Variants in STYXL1 observed in about 807,000 individuals in gnomAD.
STYXL1 encodes serine/threonine/tyrosine-interacting-like protein 1.
In STYXL1, 32 loss-of-function variants were observed where a neutral mutation model predicts 36.4. The observed-to-expected ratio is 0.88, with a 90% CI of 0.66 to 1.18. The LOEUF (loss-of-function observed/expected upper bound fraction) is 1.18. Ranked by LOEUF, STYXL1 falls within the 50% of genes most tolerant of loss-of-function variation. The pLI, the probability that STYXL1 is intolerant of heterozygous loss-of-function variation, is 0.00. For synonymous variants in STYXL1, 133 were observed against 144.1 expected (o/e 0.92, Z 0.55); for missense variants, 354 against 394.1 (o/e 0.90, Z 0.86).
At chr7:76,025,110 G>T (rs888229696) in intron 3 of STYXL1, among the ~76,000 whole-genome samples, 1 of 147,210 alleles carries the variant, frequency 6.8e-6, no homozygotes, top group African/African-American at 2.5e-5. Flanking sequence ...GCTGGAGACA[G>T]AGGTGGTCAG....
intron 5 of STYXL1, among the ~76,000 whole-genome samples, chr7:76,007,597 C>T (rs576014324): frequency 2.6e-5 from 4 of 152,094 alleles, no homozygotes; most frequent in African/African-American, 9.6e-5. Flanking sequence ...ATTCCTCTCT[C>T]GGAAACAACA....
chr7:75,996,737 G>T, intron 8 of STYXL1, 138 bp from the exon 9 acceptor site: 1 of 797,008 alleles, frequency 1.3e-6, no homozygotes, highest in South Asian at 1.7e-5. Flanking sequence ...CAGAAACAGG[G>T]CAGCCTGGCA....
At chr7:76,001,062 G>T in intron 7 of STYXL1, 60 bp from the exon 8 acceptor site, 1 of 1,367,524 alleles carries the variant, frequency 7.3e-7, no homozygotes, top group Non-Finnish European at 1.0e-6. Context: ...GGCCTGGGTT[G>T]CTGTCAGACA....
At chr7:76,001,996 C>T (rs147753616) in intron 7 of STYXL1, among the ~76,000 whole-genome samples, 10 of 151,964 alleles carry the variant, frequency 6.6e-5, no homozygotes, top group East Asian at 1.9e-4. Flanking sequence ...CAGGCTGGAA[C>T]GCAGTGGTGT....
chr7:76,045,540 T>TA (rs1244546768), intron 1 of STYXL1: 1 of 152,084 alleles, frequency 6.6e-6, no homozygotes, highest in African/African-American at 2.4e-5. Context: ...CTGCTAAAAA[T>TA]ACAAAAATTA....
At chr7:76,008,103 G>T (rs1005385838) in intron 5 of STYXL1, among the ~76,000 whole-genome samples, 4 of 150,530 alleles carry the variant, frequency 2.7e-5, no homozygotes, top group African/African-American at 4.9e-5. Flanking sequence ...GGAGGCTGGG[G>T]CAGGAGAATC....
intron 8 of STYXL1, 89 bp downstream of exon 8, chr7:76,000,801 G>C: frequency 9.3e-7 from 1 of 1,070,912 alleles, no homozygotes; most frequent in Non-Finnish European, 1.4e-6. Context: ...TCCCAAAGCA[G>C]TGCTGGGGCC....
chr7:75,998,300 A>AT (rs1364778773), intron 8 of STYXL1, among the ~76,000 whole-genome samples: 11 of 20,700 alleles, frequency 5.3e-4, no homozygotes, highest in African/African-American at 1.5e-3. Context: ...ATGGTCAAGC[A>AT]ATTTTTTTTT....
intron 4 of STYXL1, among the ~76,000 whole-genome samples, chr7:76,016,612 A>G (rs911183356): frequency 6.6e-6 from 1 of 152,138 alleles, no homozygotes; most frequent in East Asian, 1.9e-4. Context: ...AAGACATACA[A>G]GCAGCCAACG....
chr7:76,001,121 C>A, intron 7 of STYXL1, 119 bp from the exon 8 acceptor site: 1 of 729,960 alleles, frequency 1.4e-6, no homozygotes, highest in Non-Finnish European at 2.5e-6. Context: ...AACCAGCCCA[C>A]GTGACCTCGG....
In STYXL1 at chr7:76,038,489, G is replaced by A. The variant is rs554150439; in HGVS notation, c.-4-7962C>T. On this transcript the variant is annotated intron_variant, in intron 1 of 8. Coordinates refer to ENST00000359697, the MANE Select transcript of STYXL1 (RefSeq NM_001317785.2). ...ACCCCAGGCTGGAGTGCAGTGGCACGATCTCAGCTCACTGCGAGCTCTGCC... is the reference window on the plus strand; with the variant it reads ...ACCCCAGGCTGGAGTGCAGTGGCACAATCTCAGCTCACTGCGAGCTCTGCC... Among the ~76,000 whole-genome samples the A allele has an allele frequency of 1.2e-3, 151 of 128,426 alleles. 7 individuals are homozygous for A. The highest frequency in any genetic ancestry group is 4.6e-3 in the Middle Eastern group (1 of 218). The allele number at this position is 128,426 out of a possible 152,430, so 84.3% of individuals were successfully genotyped here. A position where few individuals can be genotyped will look rare whatever the true frequency, so the allele number is the denominator to read the frequency against.
intron 8 of STYXL1, among the ~76,000 whole-genome samples, chr7:75,998,000 T>G (rs1464925958): frequency 6.6e-6 from 1 of 152,178 alleles, no homozygotes; most frequent in Non-Finnish European, 1.5e-5. Context: ...TTAATATTAT[T>G]AAGATGCCAA....
intron 5 of STYXL1, 99 bp downstream of exon 5, chr7:76,013,643 T>C (rs1415436179): frequency 3.9e-6 from 6 of 1,539,942 alleles, no homozygotes; most frequent in Non-Finnish European, 5.4e-6. Context: ...CTATATCCTC[T>C]GTCCCATCCT....
intron 4 of STYXL1, among the ~76,000 whole-genome samples, chr7:76,014,281 G>A (rs181669880): frequency 1.3e-5 from 2 of 151,904 alleles, no homozygotes; most frequent in East Asian, 3.9e-4. Flanking sequence ...GGCTTGAAAT[G>A]CAATTATTTA....
At position 76,046,296 on chromosome 7, in the gene STYXL1, G is replaced by C. The variant is rs1216353656; in HGVS notation, c.-5+1366C>G. On this transcript the variant is annotated intron_variant, in intron 1 of 8. Coordinates refer to ENST00000359697, the MANE Select transcript of STYXL1 (RefSeq NM_001317785.2). ...CTGCTGTGTGTGTGTGTGTGTGTGT[G>C]TGTGTGTGTGTGTGTGTGTGTGTGT... Among the ~76,000 whole-genome samples, 123 of 17,100 alleles carry C rather than the reference G, an allele frequency of 7.2e-3. 2 individuals are homozygous for C. Among genetic ancestry groups the C allele is most frequent in the African/African-American group, 0.012 (116 of 9,624 alleles). 11.2% of individuals were successfully genotyped at this position (17,100 alleles called of 152,430 possible). A position where few individuals can be genotyped will look rare whatever the true frequency, so the allele number is the denominator to read the frequency against.
intron 2 of STYXL1, 146 bp from the exon 3 acceptor site, chr7:76,028,849 G>A: frequency 1.3e-6 from 1 of 743,866 alleles, no homozygotes; most frequent in Non-Finnish European, 2.3e-6. Flanking sequence ...GTGGGGCTGG[G>A]CGCGGTGGCA....
intron 8 of STYXL1, among the ~76,000 whole-genome samples, chr7:75,997,145 G>A (rs965850668): frequency 3.3e-5 from 5 of 152,202 alleles, no homozygotes; most frequent in African/African-American, 1.2e-4. Flanking sequence ...GGAACAGAAG[G>A]AAATGGCCAG....
intron 3 of STYXL1, among the ~76,000 whole-genome samples, chr7:76,022,677 A>G (rs781805639): frequency 1.3e-5 from 2 of 152,028 alleles, no homozygotes; most frequent in African/African-American, 2.4e-5. Context: ...AACAACAACA[A>G]CAAGACAAAA....
rs556298067 is a variant in STYXL1, at chr7:76,024,292, C to G, written c.166-2300G>C. 1.4e-3 allele frequency among the ~76,000 whole-genome samples: 214 copies of G among 152,214 alleles called. 1 individual carries two copies. The highest frequency in any genetic ancestry group is 6.6e-4 in the Non-Finnish European group (45 of 67,996). On this transcript the variant is annotated intron_variant, in intron 3 of 8. Coordinates refer to ENST00000359697, the MANE Select transcript of STYXL1 (RefSeq NM_001317785.2). ...GAAAAACAACCGATATTCACCACAC[C>G]CACTTTTAGGGAAAAAGACACTACC...
Sources: allele counts gnomAD v4.1 joint callset (sites outside exome capture counted in the v4.1 genomes callset), GRCh38; gene constraint gnomAD v4.1.1; transcripts MANE v1.5; gene names NCBI Gene and HGNC (gene_info 2026-07-23, HGNC 2026-07-21).